FCHO2: variants seen among roughly 807,000 people sequenced by gnomAD.
FCHO2 encodes FCH and mu domain containing endocytic adaptor 2, also known as F-BAR domain only protein 2.
FCHO2 carries 43 observed loss-of-function variants against 114.1 expected under a neutral mutation model. The observed-to-expected ratio is 0.38, with a 90% CI of 0.30 to 0.49. The LOEUF (loss-of-function observed/expected upper bound fraction) is 0.49. FCHO2 is among the 20% of genes least tolerant of loss of function. The pLI, the probability that FCHO2 is intolerant of heterozygous loss-of-function variation, is 0.97. For synonymous variants in FCHO2, 293 were observed against 315.2 expected (o/e 0.93, Z 0.75); for missense variants, 807 against 950.4 (o/e 0.85, Z 1.98).
intron 8 of FCHO2, among the ~76,000 whole-genome samples, chr5:73,018,374 C>T (rs1755421664): frequency 6.6e-6 from 1 of 152,192 alleles, no homozygotes; most frequent in South Asian, 2.1e-4. Flanking sequence ...ATAGCACACT[C>T]ATCTTTTGCC....
chr5:72,974,923 T>C (rs1057449803), intron 2 of FCHO2, among the ~76,000 whole-genome samples: 1 of 152,184 alleles, frequency 6.6e-6, no homozygotes, highest in Non-Finnish European at 1.5e-5. Flanking sequence ...TCTCAGCATT[T>C]GCTTGTCTGT....
intron 5 of FCHO2, among the ~76,000 whole-genome samples, chr5:72,999,464 T>C (rs537819629): frequency 3.1e-4 from 44 of 143,192 alleles, no homozygotes; most frequent in African/African-American, 1.1e-3. Flanking sequence ...CTCACTGCAA[T>C]CTCTGCCTCC....
intron 2 of FCHO2, among the ~76,000 whole-genome samples, chr5:72,979,943 C>T (rs1255189367): frequency 6.6e-6 from 1 of 152,088 alleles, no homozygotes; most frequent in Admixed American, 6.6e-5. Flanking sequence ...GTCTCTATCT[C>T]CTTCAGTTCT....
intron 8 of FCHO2, among the ~76,000 whole-genome samples, chr5:73,034,197 G>A (rs1756377302): frequency 6.6e-6 from 1 of 152,052 alleles, no homozygotes; most frequent in Non-Finnish European, 1.5e-5. Context: ...AAGTATTGAA[G>A]ATACAGTGAT....
chr5:73,055,450 A>G (rs890715412), intron 15 of FCHO2, among the ~76,000 whole-genome samples: 7 of 152,214 alleles, frequency 4.6e-5, no homozygotes, highest in African/African-American at 1.4e-4. Context: ...CAAAGAAAAC[A>G]TGAAGGTGCA....
At chr5:73,065,276 A>G (rs776125913) in intron 18 of FCHO2, among the ~76,000 whole-genome samples, 6 of 150,676 alleles carry the variant, frequency 4.0e-5, no homozygotes, top group Admixed American at 6.6e-5. Flanking sequence ...CTTTGAGTAC[A>G]TTCTAATAAA....
intron 11 of FCHO2, among the ~76,000 whole-genome samples, chr5:73,042,733 A>G (rs560844570): frequency 3.7e-4 from 56 of 152,308 alleles, no homozygotes; most frequent in African/African-American, 1.3e-3. Context: ...TAAAGTTTAT[A>G]TGCAAATCAA....
chr5:73,034,445 CTTG>C, intron 8 of FCHO2: 1 of 449,090 alleles, frequency 2.2e-6, no homozygotes. Context: ...ATGGGCTAGT[CTTG>C]TTATTTTTCA....
At position 72,968,589 on chromosome 5, in the gene FCHO2, G is replaced by A; in HGVS notation, c.125G>A (p.Arg42Gln). The change falls in exon 2 of 26, where the codon CGA becomes CAA. Residue 42 changes from arginine to glutamine, a missense_variant and splice_region_variant. By Grantham distance (43) the Arg-to-Gln change is conservative. Coordinates refer to ENST00000430046, the MANE Select transcript of FCHO2 (RefSeq NM_138782.3). ...TKELADFVRE[R>Q]ATIEEAYSRS... Reference sequence around the variant, plus strand: ...GAACTAGCAGATTTTGTAAGGGAACGGTATGTATTTTTTAAATAAGTAATT... The same window carrying A: ...GAACTAGCAGATTTTGTAAGGGAACAGTATGTATTTTTTAAATAAGTAATT... The A allele has an allele frequency of 2.0e-6, 3 of 1,506,346 alleles. No individual in the cohort carries two copies. Among genetic ancestry groups the A allele is most frequent in the African/African-American group, 1.5e-5 (1 of 68,888 alleles). The allele number at this position is 1,506,346 out of a possible 1,614,324, so 93.3% of individuals were successfully genotyped here. A position where few individuals can be genotyped will look rare whatever the true frequency, so the allele number is the denominator to read the frequency against.
chr5:73,038,924 G>A (rs1174858873), intron 10 of FCHO2, among the ~76,000 whole-genome samples: 1 of 152,050 alleles, frequency 6.6e-6, no homozygotes, highest in Non-Finnish European at 1.5e-5. Flanking sequence ...AAAGAATCAT[G>A]GCCTTAAATT....
intron 17 of FCHO2, among the ~76,000 whole-genome samples, chr5:73,059,545 A>G (rs1240878671): frequency 2.0e-5 from 3 of 149,382 alleles, no homozygotes; most frequent in East Asian, 4.0e-4. Flanking sequence ...GCCATGTTGA[A>G]ATATCTTACT....
intron 2 of FCHO2, among the ~76,000 whole-genome samples, chr5:72,972,786 C>G (rs1752634464): frequency 6.6e-6 from 1 of 152,058 alleles, no homozygotes; most frequent in African/African-American, 2.4e-5. Flanking sequence ...TGCCAGTTTT[C>G]AAAGGGAATG....
intron 24 of FCHO2, among the ~76,000 whole-genome samples, chr5:73,085,217 C>T (rs1181373137): frequency 6.6e-6 from 1 of 152,058 alleles, no homozygotes; most frequent in Non-Finnish European, 1.5e-5. Context: ...GATGTAGTGG[C>T]ACGTGCCTGT....
intron 8 of FCHO2, among the ~76,000 whole-genome samples, chr5:73,030,949 T>C (rs936799653): frequency 6.6e-6 from 1 of 152,188 alleles, no homozygotes; most frequent in Non-Finnish European, 1.5e-5. Context: ...TGTATAAGGC[T>C]ATGTGGAGAG....
At chr5:73,038,134 A>T (rs1270863671) in intron 10 of FCHO2, 1 of 152,780 alleles carries the variant, frequency 6.5e-6, no homozygotes, top group East Asian at 1.9e-4. Context: ...TTGAGTTTAG[A>T]TTAGCTAACT....
chr5:72,990,232 G>T (rs187627152), intron 3 of FCHO2, among the ~76,000 whole-genome samples: 157 of 152,022 alleles, frequency 1.0e-3, no homozygotes, highest in Non-Finnish European at 1.6e-3. Flanking sequence ...AATTAAGAGG[G>T]TTAAGACTTG....
At chr5:73,009,611 A>T (rs1754893696) in intron 6 of FCHO2, among the ~76,000 whole-genome samples, 1 of 152,152 alleles carries the variant, frequency 6.6e-6, no homozygotes, top group African/African-American at 2.4e-5. Context: ...ATCTTGGCTT[A>T]CTGCAGCCTT....
At chr5:72,991,422 A>G (rs892120669) in intron 5 of FCHO2, among the ~76,000 whole-genome samples, 1 of 152,262 alleles carries the variant, frequency 6.6e-6, no homozygotes, top group African/African-American at 2.4e-5. Flanking sequence ...TTGTAGTAAC[A>G]TAATTGAGGT....
intron 11 of FCHO2, among the ~76,000 whole-genome samples, chr5:73,049,067 G>A (rs1243089403): frequency 1.3e-5 from 2 of 150,958 alleles, no homozygotes; most frequent in African/African-American, 2.4e-5. Context: ...TAGTAGAGAC[G>A]GGGTTTCACC....
Sources: allele counts gnomAD v4.1 joint callset (sites outside exome capture counted in the v4.1 genomes callset), GRCh38; gene constraint gnomAD v4.1.1; transcripts MANE v1.5; gene names NCBI Gene and HGNC (gene_info 2026-07-23, HGNC 2026-07-21).